The following CCDC150 variants were observed in gnomAD, a reference collection of about 807,000 sequenced individuals.
The protein encoded by CCDC150 is coiled-coil domain containing 150.
CCDC150 carries 151 observed loss-of-function variants against 156.5 expected under a neutral mutation model. That is an observed-to-expected ratio of 0.97 (90% CI 0.85 to 1.10). The LOEUF (loss-of-function observed/expected upper bound fraction) is 1.10. Among genes scored for constraint, CCDC150 ranks in the 50% least tolerant of loss-of-function variants. CCDC150 has a pLI of 0.00. For synonymous variants in CCDC150, 452 were observed against 429.4 expected (o/e 1.05, Z -0.65); for missense variants, 1,312 against 1,268.1 (o/e 1.03, Z -0.53).
At position 196,730,126 on chromosome 2, in the gene CCDC150, GTT is replaced by G. The variant is rs1233222750; in HGVS notation, c.2982+10_2982+11del. The G allele has an allele frequency of 6.3e-7, 1 of 1,590,170 alleles. No homozygotes were observed. The highest frequency in any genetic ancestry group is 8.5e-7 in the Non-Finnish European group (1 of 1,169,796). On this transcript the variant is annotated intron_variant, in intron 25 of 27. Transcript: ENST00000389175. ...CTAGAGAATCGGTGCCAGGTAAAAG[GTT>G]TCCTAAGATTCATCTTAAAGATGGT...
chr2:196,718,070 T>C (rs1439626465), intron 17 of CCDC150, among the ~76,000 whole-genome samples: 29 of 152,254 alleles, frequency 1.9e-4, no homozygotes, highest in Non-Finnish European at 2.9e-5. Context: ...TCTAATACTA[T>C]ACTTCTAATT....
intron 9 of CCDC150, among the ~76,000 whole-genome samples, chr2:196,673,025 T>C (rs1244167909): frequency 6.6e-6 from 1 of 152,188 alleles, no homozygotes; most frequent in Non-Finnish European, 1.5e-5. Context: ...ACAATTTGAT[T>C]GTCTCAATAT....
At chr2:196,650,695 G>C (rs1692826734) in intron 2 of CCDC150, among the ~76,000 whole-genome samples, 2 of 152,170 alleles carry the variant, frequency 1.3e-5, no homozygotes, top group South Asian at 4.1e-4. Flanking sequence ...CCAGCTGCTA[G>C]TGTTTTTATT....
Position 196,719,622 on chromosome 2 carries a change from G to C in CCDC150, c.2121G>C (p.Glu707Asp), listed in dbSNP as rs566079893. Residue 707 changes from glutamate (E) to aspartate (D), a missense_variant, in exon 19 of 28, where the codon GAG (glutamate) becomes GAC (aspartate). Glu to Asp is a conservative substitution (Grantham distance 45). Transcript: ENST00000389175. ...MQGALEKVQIELGRRDSEIAG... is the reference protein window; with the variant it reads ...MQGALEKVQIDLGRRDSEIAG... ...GTGCTCTGGAGAAAGTACAAATAGA[G>C]CTTGGGCGGAGGGATTCAGAGATTG... 6.2e-7 allele frequency: 1 copy of C among 1,612,518 alleles called. No homozygotes were observed. The highest frequency in any genetic ancestry group is 8.5e-7 in the Non-Finnish European group (1 of 1,179,322).
chr2:196,651,510 G>T (rs561603276), intron 2 of CCDC150, among the ~76,000 whole-genome samples: 13 of 152,190 alleles, frequency 8.5e-5, no homozygotes, highest in African/African-American at 2.6e-4. Context: ...AGTCTTCATT[G>T]CCTCTTTGTT....
intron 16 of CCDC150, 35 bp downstream of exon 16, chr2:196,712,287 A>C (rs1184468876): frequency 2.7e-5 from 32 of 1,183,730 alleles, no homozygotes; most frequent in Non-Finnish European, 3.8e-5. Flanking sequence ...GATTGCTGCT[A>C]TATTTCGTTT....
intron 15 of CCDC150, among the ~76,000 whole-genome samples, chr2:196,708,192 G>T (rs866543428): frequency 6.6e-6 from 1 of 152,132 alleles, no homozygotes; most frequent in Admixed American, 6.5e-5. Flanking sequence ...GGGTGCTCTT[G>T]TATTGGGTGT....
rs2292944 is a variant in CCDC150 at position 196,713,012 on chromosome 2, A to G, written c.1866+273A>G. On this transcript the variant is annotated intron_variant, in intron 17 of 27. Transcript: ENST00000389175. ...ACTTCTGTGTCTATGATATTTGTGT[A>G]TCTATACCCCTGGTAACCAAGGAAC... The G allele has an allele frequency of 9.4e-4, 466 of 493,918 alleles. No homozygotes were observed. The East Asian group carries it at 0.011, about 12-fold the overall frequency. The allele number at this position is 493,918 out of a possible 1,614,324, so 30.6% of individuals were successfully genotyped here.
At chr2:196,720,773 TC>T (rs1697833312) in intron 20 of CCDC150, 105 bp downstream of exon 20, 9 of 1,004,362 alleles carry the variant, frequency 9.0e-6, no homozygotes, top group Non-Finnish European at 1.3e-5. Flanking sequence ...AATGTTTTTT[TC>T]AATCAAGTCT....
chr2:196,690,187 G>A (rs1260331856), intron 13 of CCDC150, among the ~76,000 whole-genome samples: 2 of 147,836 alleles, frequency 1.4e-5, no homozygotes, highest in Non-Finnish European at 3.0e-5. Context: ...AGAACACATG[G>A]ACACAGGAAG....
At chr2:196,682,055 C>T (rs1694859619) in intron 13 of CCDC150, among the ~76,000 whole-genome samples, 1 of 151,774 alleles carries the variant, frequency 6.6e-6, no homozygotes, top group African/African-American at 2.4e-5. Context: ...AGATTTATAC[C>T]TATTTTATAT....
chr2:196,650,476 C>A (rs2125574717), intron 2 of CCDC150, among the ~76,000 whole-genome samples: 1 of 152,284 alleles, frequency 6.6e-6, no homozygotes, highest in Non-Finnish European at 1.5e-5. Flanking sequence ...TCACTGCAGC[C>A]TCTGCCTCCC....
intron 5 of CCDC150, among the ~76,000 whole-genome samples, chr2:196,659,973 A>C (rs997300285): frequency 6.6e-6 from 1 of 152,062 alleles, no homozygotes; most frequent in African/African-American, 2.4e-5. Flanking sequence ...TGTTCCACCT[A>C]CCCATCCTTC....
In CCDC150 at chr2:196,674,278, T is replaced by G; in HGVS notation, c.1067T>G (p.Leu356Trp). ...NDQLTKKCSE[L>W]SCMLQTVTME... ...CAATTGACTAAAAAGTGTTCAGAGT[T>G]GAGCTGCATGCTTCAGACTGTTACT... is the stretch of plus-strand genomic sequence containing the variant. The change falls in exon 10 of 28, where the codon TTG becomes TGG. Residue 356 changes from leucine to tryptophan, a missense_variant. Leu to Trp is a moderately conservative substitution (Grantham distance 61). Coordinates refer to ENST00000389175, the MANE Select transcript of CCDC150 (RefSeq NM_001080539.2). The G allele has an allele frequency of 6.2e-7, 1 of 1,603,378 alleles. No individual in the cohort carries two copies. Among genetic ancestry groups the G allele is most frequent in the Non-Finnish European group, 8.5e-7 (1 of 1,174,514 alleles).
chr2:196,725,287 A>C (rs964596123), intron 21 of CCDC150, among the ~76,000 whole-genome samples: 3 of 152,204 alleles, frequency 2.0e-5, no homozygotes, highest in African/African-American at 7.2e-5. Flanking sequence ...GAATAAGCCT[A>C]GTAATTGTTT....
intron 2 of CCDC150, among the ~76,000 whole-genome samples, chr2:196,654,225 C>T (rs941796956): frequency 5.3e-5 from 8 of 152,146 alleles, no homozygotes; most frequent in Non-Finnish European, 8.8e-5. Context: ...GACTATGGAA[C>T]TCTTGAGTTC....
At chr2:196,664,275 C>A (rs1468048312) in intron 5 of CCDC150, among the ~76,000 whole-genome samples, 2 of 152,138 alleles carry the variant, frequency 1.3e-5, no homozygotes, top group Non-Finnish European at 2.9e-5. Flanking sequence ...AAGATTGCCC[C>A]CCACTTTAGA....
chr2:196,677,130 C>T (rs1364459795), intron 12 of CCDC150, 163 bp from the exon 13 acceptor site: 1 of 710,604 alleles, frequency 1.4e-6, no homozygotes, highest in African/African-American at 1.7e-5. Context: ...TTTGTGAAGT[C>T]TGCTCTGCCT....
At chr2:196,696,309 T>A (rs1020945185) in intron 14 of CCDC150, among the ~76,000 whole-genome samples, 4 of 150,796 alleles carry the variant, frequency 2.7e-5, no homozygotes, top group Non-Finnish European at 5.9e-5. Context: ...AAAAAAAGCC[T>A]GTAAGTGCCT....
Sources: gnomAD v4.1 joint callset for allele counts (sites outside exome capture counted in the v4.1 genomes callset) on GRCh38, gnomAD v4.1.1 for gene constraint, MANE v1.5 for transcripts, NCBI Gene and HGNC (gene_info 2026-07-23, HGNC 2026-07-21) for gene names.